Variants in ADGB observed in about 807,000 individuals in gnomAD.
ADGB encodes the protein androglobin.
Under a neutral mutation model 210.5 loss-of-function variants are expected in ADGB, and 172 were observed. The ratio of observed to expected loss-of-function variants is 0.82; its 90% confidence interval spans 0.72 to 0.93. The LOEUF is 0.93. Among genes scored for constraint, ADGB ranks in the 40% least tolerant of loss-of-function variants. ADGB has a pLI of 0.00. For missense variants in ADGB, 2,025 were observed against 1,964.8 expected, an observed-to-expected ratio of 1.03 and a Z score of -0.58; for synonymous variants, 658 against 662.7, an observed-to-expected ratio of 0.99 and a Z score of 0.11.
intron 14 of ADGB, among the ~76,000 whole-genome samples, chr6:146,715,810 A>T (rs899093489): frequency 8.6e-5 from 13 of 151,932 alleles, no homozygotes; most frequent in Non-Finnish European, 2.9e-5. Context: ...TGGCTCACGC[A>T]TGTAATCTCA....
chr6:146,798,679 A>G (rs1778081017), intron 33 of ADGB, among the ~76,000 whole-genome samples: 1 of 152,120 alleles, frequency 6.6e-6, no homozygotes, highest in South Asian at 2.1e-4. Flanking sequence ...AAAAACAGAA[A>G]AAAAAAAAAC....
chr6:146,609,841 G>T (rs564770639), intron 1 of ADGB, among the ~76,000 whole-genome samples: 2 of 152,046 alleles, frequency 1.3e-5, no homozygotes, highest in African/African-American at 4.8e-5. Context: ...TTCCCTTTTG[G>T]CAGTGAATCT....
chr6:146,647,284 ATAATAT>A (rs1775632911), intron 3 of ADGB, among the ~76,000 whole-genome samples: 1 of 151,762 alleles, frequency 6.6e-6, no homozygotes. Flanking sequence ...AATAATAATA[ATAATAT>A]AGGAATTATC....
chr6:146,672,085 T>C (rs1776017234), intron 7 of ADGB, 135 bp from the exon 8 acceptor site: 3 of 1,196,708 alleles, frequency 2.5e-6, no homozygotes, highest in Non-Finnish European at 3.4e-6. Context: ...TGCTGTTCTT[T>C]TAACTAAAAA....
chr6:146,813,269 C>CAAAA (rs35481695), intron 35 of ADGB, among the ~76,000 whole-genome samples: 1 of 151,846 alleles, frequency 6.6e-6, no homozygotes, highest in Non-Finnish European at 1.5e-5. Flanking sequence ...CTTACTTCTT[C>CAAAA]AGAGTGTTCT....
intron 1 of ADGB, among the ~76,000 whole-genome samples, chr6:146,613,292 T>C (rs1780739501): frequency 6.6e-6 from 1 of 152,296 alleles, no homozygotes; most frequent in Non-Finnish European, 1.5e-5. Flanking sequence ...TTAAAAAATA[T>C]TTTAAGATTT....
At chr6:146,642,089 G>A (rs1460040574) in intron 2 of ADGB, among the ~76,000 whole-genome samples, 1 of 151,848 alleles carries the variant, frequency 6.6e-6, no homozygotes, top group African/African-American at 2.4e-5. Flanking sequence ...TTAAAAGTGG[G>A]CAAATGACAT....
At chr6:146,744,645 T>C (rs1777203857) in intron 25 of ADGB, among the ~76,000 whole-genome samples, 1 of 152,174 alleles carries the variant, frequency 6.6e-6, no homozygotes, top group African/African-American at 2.4e-5. Context: ...AATTGTTTGC[T>C]CTATTTTTTT....
intron 33 of ADGB, 108 bp downstream of exon 33, chr6:146,788,718 G>T: frequency 9.7e-7 from 1 of 1,031,780 alleles, no homozygotes; most frequent in Non-Finnish European, 1.4e-6. Context: ...AAGTAGAAAA[G>T]ATGTCTTTCC....
chr6:146,726,851 G>A (rs762488391), intron 19 of ADGB, among the ~76,000 whole-genome samples: 2 of 151,992 alleles, frequency 1.3e-5, no homozygotes, highest in Non-Finnish European at 2.9e-5. Context: ...TAAAATTTTG[G>A]TCTCTTTCTC....
At chr6:146,656,612 A>G (rs1775785009) in intron 4 of ADGB, among the ~76,000 whole-genome samples, 159 bp from the exon 5 acceptor site, 2 of 152,348 alleles carry the variant, frequency 1.3e-5, no homozygotes, top group African/African-American at 2.4e-5. Flanking sequence ...AGCAAGACCT[A>G]TAACTTTATT....
chr6:146,609,816 G>A (rs1277840378), intron 1 of ADGB, among the ~76,000 whole-genome samples: 1 of 152,194 alleles, frequency 6.6e-6, no homozygotes, highest in African/African-American at 2.4e-5. Context: ...AAGATCTGCT[G>A]TTAGACTGAT....
chr6:146,797,503 T>G (rs1435195261), intron 33 of ADGB, among the ~76,000 whole-genome samples: 1 of 151,878 alleles, frequency 6.6e-6, no homozygotes, highest in East Asian at 1.9e-4. Context: ...AAAGAAAATG[T>G]GGTATATATA....
intron 4 of ADGB, 114 bp downstream of exon 4, chr6:146,654,320 TTA>T (rs34737176): frequency 0.75 from 262,464 of 349,186 alleles, 98,546 homozygotes; most frequent in African/African-American, 0.92. Context: ...AGTTTTGGTA[TTA>T]TATATATATA....
Position 146,801,261 on chromosome 6 carries a change from AT to A in ADGB, c.4619del (p.Leu1540Ter). The part of the protein sequence containing the change: ...RLIRKALEFM[D>X]LSQYVRKTDT... Reference sequence around the variant, plus strand: ...ATTCGAAAAGCACTAGAATTTATGGATTTAAGTCAATATGTTCGGTAAGTTT... The same window carrying A: ...ATTCGAAAAGCACTAGAATTTATGGATTAAGTCAATATGTTCGGTAAGTTT... On this transcript the variant is annotated frameshift_variant, in exon 34 of 36. Coordinates refer to ENST00000397944, the MANE Select transcript of ADGB (RefSeq NM_024694.4). LOFTEE classifies it high-confidence loss of function. 1 of 1,498,374 alleles carries A rather than the reference AT, an allele frequency of 6.7e-7. No individual in the cohort carries two copies. The allele number at this position is 1,498,374 out of a possible 1,614,324, so 92.8% of individuals were successfully genotyped here.
At position 146,672,299 on chromosome 6, in the gene ADGB, G is replaced by A. The variant is rs773434099; in HGVS notation, c.919G>A (p.Glu307Lys). ...EFKLSDEASS[E>K]SKIAVLDSKL... ...TAAGCTGTCAGATGAGGCCAGCTCTGAAAGCAAAATAGCAGTGTTAGATTC... is the reference window on the plus strand; with the variant it reads ...TAAGCTGTCAGATGAGGCCAGCTCTAAAAGCAAAATAGCAGTGTTAGATTC... The change falls in exon 8 of 36, where the codon GAA (glutamate) becomes AAA (lysine). Residue 307 changes from glutamate (E) to lysine (K), a missense_variant. Glu to Lys is a moderately conservative substitution (Grantham distance 56). Transcript: ENST00000397944. 3 of 1,551,182 alleles carry A rather than the reference G, an allele frequency of 1.9e-6. No individual in the cohort carries two copies. The highest frequency in any genetic ancestry group is 2.6e-6 in the Non-Finnish European group (3 of 1,146,802).
chr6:146,781,433 G>T (rs1777798621), intron 29 of ADGB, among the ~76,000 whole-genome samples: 1 of 149,202 alleles, frequency 6.7e-6, no homozygotes, highest in African/African-American at 2.5e-5. Flanking sequence ...GAACAGAGAA[G>T]AAATCACAAG....
chr6:146,712,005 T>C (rs1776664159), intron 13 of ADGB, among the ~76,000 whole-genome samples: 1 of 148,568 alleles, frequency 6.7e-6, no homozygotes, highest in Non-Finnish European at 1.5e-5. Context: ...TGGAGGGAAA[T>C]AAGATCACAC....
intron 3 of ADGB, among the ~76,000 whole-genome samples, chr6:146,653,087 G>A (rs1005245460): frequency 3.3e-5 from 5 of 152,100 alleles, no homozygotes; most frequent in African/African-American, 1.2e-4. Flanking sequence ...TCACTGCAGT[G>A]TGAAACTTAC....
Sources: gnomAD v4.1 joint callset for allele counts (sites outside exome capture counted in the v4.1 genomes callset) on GRCh38, gnomAD v4.1.1 for gene constraint, MANE v1.5 for transcripts, NCBI Gene and HGNC (gene_info 2026-07-23, HGNC 2026-07-21) for gene names.